Variants in ZNF512 observed in about 807,000 individuals in gnomAD.
ZNF512 encodes the protein zinc finger protein 512.
In ZNF512, 25 loss-of-function variants were observed where a neutral mutation model predicts 77.5. The observed-to-expected ratio is 0.32, with a 90% CI of 0.23 to 0.45. The LOEUF is 0.45. Ranked by LOEUF, ZNF512 falls within the 20% of genes least tolerant of loss-of-function variation. ZNF512 has a pLI of 1.00. For synonymous variants in ZNF512, 246 were observed against 239.9 expected (o/e 1.03, Z -0.24); for missense variants, 483 against 692.6 (o/e 0.70, Z 3.40).
intron 2 of ZNF512, among the ~76,000 whole-genome samples, chr2:27,595,363 C>T (rs1380288890): frequency 6.9e-5 from 10 of 143,968 alleles, no homozygotes; most frequent in African/African-American, 1.8e-4. Context: ...TGCAGTGGTG[C>T]GATCTCTGCT....
chr2:27,605,839 T>G (rs925576177), intron 9 of ZNF512, among the ~76,000 whole-genome samples: 1 of 152,242 alleles, frequency 6.6e-6, no homozygotes, highest in Non-Finnish European at 1.5e-5. Context: ...GAATGAGATT[T>G]CTGGGTCATA....
intron 2 of ZNF512, among the ~76,000 whole-genome samples, chr2:27,590,976 A>G (rs1187360241): frequency 6.6e-6 from 1 of 152,208 alleles, no homozygotes; most frequent in African/African-American, 2.4e-5. Context: ...ATTTTCACTG[A>G]ATATAGAATT....
chr2:27,619,647 C>G (rs1416916133), intron 13 of ZNF512, among the ~76,000 whole-genome samples: 2 of 150,248 alleles, frequency 1.3e-5, no homozygotes, highest in African/African-American at 4.9e-5. Flanking sequence ...TTTTTTTTAA[C>G]AGAAAATTTC....
rs1326832554 is a variant in ZNF512, at chr2:27,600,766, G to A, written c.533G>A (p.Gly178Glu). 1 of 1,614,068 alleles carries A rather than the reference G, an allele frequency of 6.2e-7. No individual in the cohort carries two copies. The highest frequency in any genetic ancestry group is 1.1e-5 in the South Asian group (1 of 91,074). The change falls in exon 6 of 14, where the codon GGG becomes GAG. Residue 178 changes from glycine (G) to glutamate (E), a missense_variant. By Grantham distance (98) the Gly-to-Glu change is moderately conservative. This residue lies in a region of ZNF512 where 324 missense variants were observed against 525.0 expected (regional missense o/e 0.62). Transcript: ENST00000355467. ...SVSCPTCQAV[G>E]RKTIEGLKKH... Reference sequence around the variant, plus strand: ...TCCTGCCCTACCTGCCAGGCAGTGGGGAGGAAGACCATAGAGGGTTTAAAG... The same window carrying A: ...TCCTGCCCTACCTGCCAGGCAGTGGAGAGGAAGACCATAGAGGGTTTAAAG...
intron 10 of ZNF512, among the ~76,000 whole-genome samples, chr2:27,611,550 T>A (rs1385220461): frequency 2.6e-5 from 4 of 152,176 alleles, no homozygotes; most frequent in Non-Finnish European, 5.9e-5. Context: ...TAGGGTGTGT[T>A]TTCTAAGTAT....
chr2:27,594,089 CA>C (rs1671724154), intron 2 of ZNF512, among the ~76,000 whole-genome samples: 1 of 152,268 alleles, frequency 6.6e-6, no homozygotes, highest in Admixed American at 6.5e-5. Flanking sequence ...TGTCACTTCA[CA>C]CTTGGAAGAT....
Position 27,622,736 on chromosome 2 carries a change from T to G in ZNF512, c.*1275T>G, listed in dbSNP as rs1028576337. The G allele has an allele frequency of 1.3e-5, 2 of 152,810 alleles. No individual in the cohort carries two copies. The highest frequency in any genetic ancestry group is 3.7e-4 in the East Asian group (2 of 5,334). The allele number at this position is 152,810 out of a possible 1,614,324, so 9.5% of individuals were successfully genotyped here. On this transcript the variant is annotated 3_prime_UTR_variant, in exon 14 of 14. Coordinates refer to ENST00000355467, the MANE Select transcript of ZNF512 (RefSeq NM_032434.4). Reference sequence around the variant, plus strand: ...ATATTCTTGCCTATTTTGTGGCATATGCCACATAAAAAATGAACCTGATAT... The same window carrying G: ...ATATTCTTGCCTATTTTGTGGCATAGGCCACATAAAAAATGAACCTGATAT...
At chr2:27,610,764 G>T (rs1193291991) in intron 10 of ZNF512, among the ~76,000 whole-genome samples, 4 of 149,582 alleles carry the variant, frequency 2.7e-5, no homozygotes, top group Non-Finnish European at 5.9e-5. Flanking sequence ...GTAGAGATGG[G>T]TTTTGCCATG....
chr2:27,583,367 C>T lies in ZNF512; in HGVS notation c.30+225C>T, dbSNP rs1456008782. 4 of 1,344,846 alleles carry T rather than the reference C, an allele frequency of 3.0e-6. No homozygotes were observed. The South Asian group carries it at 4.6e-5, about 15-fold the overall frequency. The allele number at this position is 1,344,846 out of a possible 1,614,324, so 83.3% of individuals were successfully genotyped here. ...CGCCACATTACCATTAGTTTCTATT[C>T]CTTTTACATCCCCAATGTCTCTCAT... On this transcript the variant is annotated intron_variant, in intron 1 of 13. Transcript: ENST00000355467.
intron 2 of ZNF512, among the ~76,000 whole-genome samples, chr2:27,595,296 TTCTTTTC>T (rs1671809415): frequency 1.3e-5 from 2 of 151,204 alleles, no homozygotes; most frequent in African/African-American, 4.9e-5. Flanking sequence ...TTTTTTTCTT[TTCTTTTC>T]TTTTTTTTTT....
intron 9 of ZNF512, among the ~76,000 whole-genome samples, chr2:27,603,591 T>TGTGTGTGTGTGTGTGTGTGTGTGTGTG: frequency 1.1e-5 from 1 of 87,220 alleles, no homozygotes; most frequent in Non-Finnish European, 2.3e-5. Context: ...TGTGTGTATA[T>TGTGTGTGTGTGTGTGTGTGTGTGTGTG]TTTTTTTTTT....
At chr2:27,613,028 C>T (rs1672731285) in intron 10 of ZNF512, among the ~76,000 whole-genome samples, 1 of 152,156 alleles carries the variant, frequency 6.6e-6, no homozygotes, top group Non-Finnish European at 1.5e-5. Context: ...ATTCCCATTC[C>T]CCTTTTCTTT....
At chr2:27,613,090 T>C in intron 10 of ZNF512, among the ~76,000 whole-genome samples, 1 of 152,236 alleles carries the variant, frequency 6.6e-6, no homozygotes, top group Non-Finnish European at 1.5e-5. Context: ...TCGTTTTTAG[T>C]TTATCCTTCC....
At chr2:27,594,816 G>A (rs1572910761) in intron 2 of ZNF512, among the ~76,000 whole-genome samples, 1 of 152,270 alleles carries the variant, frequency 6.6e-6, no homozygotes, top group African/African-American at 2.4e-5. Context: ...CCGAGATCAC[G>A]CCACTGCACT....
chr2:27,601,133 T>TA (rs1215652192), intron 6 of ZNF512, among the ~76,000 whole-genome samples: 1 of 152,222 alleles, frequency 6.6e-6, no homozygotes, highest in East Asian at 1.9e-4. Flanking sequence ...CCTAGCCCAT[T>TA]ACTTGGCAAA....
chr2:27,583,693 C>G lies in ZNF512; in HGVS notation c.66C>G (p.Ser22Arg). Reference sequence around the variant, plus strand: ...CCACAACCTTTAAGCAGCAGAGGAGCACGAGGATCGTGGGAGCTAAGAAGT... The same window carrying G: ...CCACAACCTTTAAGCAGCAGAGGAGGACGAGGATCGTGGGAGCTAAGAAGT... ...SGPTTFKQQRSTRIVGAKNSR... is the reference protein window; with the variant it reads ...SGPTTFKQQRRTRIVGAKNSR... The change falls in exon 2 of 14, where the codon AGC becomes AGG. Residue 22 changes from serine to arginine, a missense_variant. Ser to Arg is a moderately radical substitution (Grantham distance 110, BLOSUM62 -1). Transcript: ENST00000355467. 1 of 1,614,184 alleles carries G rather than the reference C, an allele frequency of 6.2e-7. No homozygotes were observed. Among genetic ancestry groups the G allele is most frequent in the Non-Finnish European group, 8.5e-7 (1 of 1,180,036 alleles).
chr2:27,620,514 A>G (rs1395175013), intron 13 of ZNF512, among the ~76,000 whole-genome samples: 1 of 152,166 alleles, frequency 6.6e-6, no homozygotes, highest in East Asian at 1.9e-4. Context: ...TTTTTGAGGT[A>G]CAGGGACCAC....
chr2:27,601,972 C>T (rs1042152035), intron 7 of ZNF512, among the ~76,000 whole-genome samples: 2 of 151,416 alleles, frequency 1.3e-5, no homozygotes, highest in Non-Finnish European at 2.9e-5. Context: ...TTAGTAGAGA[C>T]TGAGTTTCAC....
At chr2:27,587,583 G>A (rs1671390716) in intron 2 of ZNF512, among the ~76,000 whole-genome samples, 1 of 150,520 alleles carries the variant, frequency 6.6e-6, no homozygotes, top group Admixed American at 6.6e-5. Context: ...GGCCTAATTT[G>A]TGGTTTTTAA....
Sources: gnomAD v4.1 joint callset for allele counts (sites outside exome capture counted in the v4.1 genomes callset) on GRCh38, gnomAD v4.1.1 for gene constraint, gnomAD v4.1.1 regional missense constraint, MANE v1.5 for transcripts, NCBI Gene and HGNC (gene_info 2026-07-23, HGNC 2026-07-21) for gene names.